The following PTPRM variants were observed in gnomAD, a reference collection of about 807,000 sequenced individuals.
PTPRM encodes the protein receptor-type tyrosine-protein phosphatase mu.
In PTPRM, 47 loss-of-function variants were observed where a neutral mutation model predicts 186.7. The ratio of observed to expected loss-of-function variants is 0.25; its 90% confidence interval spans 0.20 to 0.32. PTPRM has a LOEUF of 0.32. PTPRM is among the 10% of genes least tolerant of loss of function. The probability of loss-of-function intolerance (pLI) is 1.00; values close to 1 mark genes in which losing one functional copy is unlikely to be tolerated. For missense variants in PTPRM, 1,494 were observed against 1,865.0 expected (o/e 0.80, Z 3.66); for synonymous variants, 668 against 674.9 (o/e 0.99, Z 0.16).
chr18:8,387,151 G>A lies in PTPRM; in HGVS notation c.4124G>A (p.Arg1375His), dbSNP rs368926257. ...PMYRDTPVSK[R>H]SFLKLIRQVD... ...TACAGGGACACACCAGTGTCTAAGC[G>A]CTCCTTCTTGAAGCTCATTCGCCAG... Residue 1375 changes from arginine (R) to histidine (H), a missense_variant, in exon 31 of 33, where the codon CGC becomes CAC. By Grantham distance (29) the Arg-to-His change is conservative. Around this residue, in one of 3 missense-constraint regions of PTPRM, gnomAD observed 1,107 missense variants for 1,350.2 expected, o/e 0.82. Coordinates refer to ENST00000580170, the MANE Select transcript of PTPRM (RefSeq NM_001105244.2). 93 of 1,612,542 alleles carry A rather than the reference G, an allele frequency of 5.8e-5. No homozygotes were observed. The highest frequency in any genetic ancestry group is 6.9e-5 in the Non-Finnish European group (81 of 1,178,670).
At position 7,646,413 on chromosome 18, in the gene PTPRM, T is replaced by A. The variant is rs1358844963; in HGVS notation, c.73+78522T>A. On this transcript the variant is annotated intron_variant, in intron 1 of 32. Transcript: ENST00000580170. ...ACCATTGATGACAAGATGATAACGG[T>A]GGATAAACATGGCTTTTACTTTGAT... Among the ~76,000 whole-genome samples the A allele has an allele frequency of 2.0e-5, 3 of 152,278 alleles. No homozygotes were observed. In the East Asian group the frequency reaches 5.8e-4, roughly 29 times the overall value.
intron 2 of PTPRM, among the ~76,000 whole-genome samples, chr18:7,779,520 C>T (rs2042754398): frequency 6.6e-6 from 1 of 152,154 alleles, no homozygotes; most frequent in South Asian, 2.1e-4. Flanking sequence ...GTCAATTTCA[C>T]ATTTGGGAAG....
chr18:7,903,156 C>A (rs570123670), intron 3 of PTPRM, among the ~76,000 whole-genome samples: 1 of 152,282 alleles, frequency 6.6e-6, no homozygotes, highest in East Asian at 1.9e-4. Context: ...ATCACAGTGC[C>A]TGGCAGAGAG....
At chr18:8,212,259 G>A (rs1190987283) in intron 14 of PTPRM, among the ~76,000 whole-genome samples, 1 of 152,152 alleles carries the variant, frequency 6.6e-6, no homozygotes, top group Non-Finnish European at 1.5e-5. Context: ...GTGAGGAATG[G>A]GCAGGTCCAA....
At chr18:7,616,981 T>C (rs1487928926) in intron 1 of PTPRM, among the ~76,000 whole-genome samples, 15 of 152,060 alleles carry the variant, frequency 9.9e-5, no homozygotes, top group Middle Eastern at 3.2e-3. Context: ...ACCTCTCTGA[T>C]CAAACAGAAG....
intron 32 of PTPRM, chr18:8,402,964 T>TC (rs1202065722): frequency 2.0e-5 from 3 of 152,250 alleles, no homozygotes; most frequent in Non-Finnish European, 4.4e-5. Context: ...AGGAACACCT[T>TC]CTCAAATGTC....
chr18:7,726,070 T>C (rs568985311), intron 1 of PTPRM, among the ~76,000 whole-genome samples: 46 of 152,248 alleles, frequency 3.0e-4, no homozygotes, highest in African/African-American at 9.9e-4. Flanking sequence ...CCCCAGCTCC[T>C]GCACCTGTTC....
chr18:8,171,610 A>G (rs1203884731), intron 14 of PTPRM, among the ~76,000 whole-genome samples: 1 of 152,180 alleles, frequency 6.6e-6, no homozygotes, highest in Non-Finnish European at 1.5e-5. Flanking sequence ...TTCATTTAAA[A>G]TGGGAGGCTG....
rs142885122 is a variant in PTPRM at position 8,324,938 on chromosome 18, G to A, written c.2956+5724G>A. 3.3e-5 allele frequency among the ~76,000 whole-genome samples: 5 copies of A among 149,852 alleles called. No homozygotes were observed. In the East Asian group the frequency reaches 9.7e-4, roughly 29 times the overall value. On this transcript the variant is annotated intron_variant, in intron 22 of 32. Coordinates refer to ENST00000580170, the MANE Select transcript of PTPRM (RefSeq NM_001105244.2). ...GTATCAATGCTTAGAGCAATTCCTG[G>A]CATGGAGCAAATGCCATGTATGCGT...
In PTPRM at chr18:7,852,638, T is replaced by C. The variant is rs1025852940; in HGVS notation, c.197-35468T>C. Among the ~76,000 whole-genome samples the C allele has an allele frequency of 3.9e-5, 6 of 152,000 alleles. No individual in the cohort carries two copies. In the East Asian group the frequency reaches 1.2e-3, roughly 30 times the overall value. Reference sequence around the variant, plus strand: ...AGACGGAGCTTGCAGTGAGCCAAGATCGTGCCACTGCACTCCAGCCTGGGC... The same window carrying C: ...AGACGGAGCTTGCAGTGAGCCAAGACCGTGCCACTGCACTCCAGCCTGGGC... On this transcript the variant is annotated intron_variant, in intron 2 of 32. Transcript: ENST00000580170.
rs375762670 is a variant in PTPRM at position 7,955,152 on chromosome 18, C to T, written c.870C>T (p.Leu290=). 2.8e-5 allele frequency: 45 copies of T among 1,611,354 alleles called. No homozygotes were observed. In the African/African-American group the frequency reaches 5.1e-4, roughly 18 times the overall value. ...EPPVPIAPPQ[L]ASVGATYLWI... ...CCGTTCCTATTGCCCCACCTCAGCT[C>T]GCCTCTGTAGGAGCCACCTACCTGT... The change falls in exon 7 of 33, where the codon CTC becomes CTT. Residue 290 remains leucine, a synonymous_variant. Transcript: ENST00000580170.
At chr18:7,663,804 G>A (rs940852917) in intron 1 of PTPRM, among the ~76,000 whole-genome samples, 1 of 151,916 alleles carries the variant, frequency 6.6e-6, no homozygotes, top group Non-Finnish European at 1.5e-5. Context: ...TCAGGGCTGA[G>A]GATAATTGCT....
intron 2 of PTPRM, among the ~76,000 whole-genome samples, chr18:7,837,438 TGAGTTTCTTC>T (rs927907969): frequency 2.6e-5 from 4 of 152,134 alleles, no homozygotes; most frequent in Non-Finnish European, 5.9e-5. Context: ...TTAATTTCTT[TGAGTTTCTTC>T]AAACTCAAAA....
chr18:8,400,727 C>T (rs1407049654), intron 32 of PTPRM, among the ~76,000 whole-genome samples: 1 of 152,240 alleles, frequency 6.6e-6, no homozygotes, highest in African/African-American at 2.4e-5. Flanking sequence ...AGCCTCACCT[C>T]CCCTTTAGTA....
intron 3 of PTPRM, among the ~76,000 whole-genome samples, chr18:7,898,659 C>T (rs1204630784): frequency 6.6e-6 from 1 of 152,150 alleles, no homozygotes; most frequent in East Asian, 1.9e-4. Flanking sequence ...TATAGGGATA[C>T]AACATCTTGT....
intron 2 of PTPRM, among the ~76,000 whole-genome samples, chr18:7,820,951 C>T (rs1026324884): frequency 7.9e-5 from 12 of 152,156 alleles, no homozygotes; most frequent in African/African-American, 2.9e-4. Flanking sequence ...ACCTGCCTCC[C>T]CCAGCCCTGG....
intron 7 of PTPRM, among the ~76,000 whole-genome samples, chr18:7,997,694 A>C (rs1050520800): frequency 2.6e-5 from 4 of 152,184 alleles, no homozygotes; most frequent in African/African-American, 9.7e-5. Flanking sequence ...AATAACAAAA[A>C]TCTGATTGAA....
At chr18:8,247,995 C>T in intron 16 of PTPRM, 76 bp downstream of exon 16, 4 of 1,405,010 alleles carry the variant, frequency 2.8e-6, no homozygotes, top group Admixed American at 1.7e-5. Flanking sequence ...CTCTGCTATC[C>T]CTGGTGCTTG....
chr18:8,070,784 G>A (rs749950213), intron 8 of PTPRM, among the ~76,000 whole-genome samples: 28 of 152,100 alleles, frequency 1.8e-4, no homozygotes, highest in Middle Eastern at 3.4e-3. Context: ...TCATTTTTCC[G>A]GCATCAAAAT....
Sources: gnomAD v4.1 joint callset for allele counts (sites outside exome capture counted in the v4.1 genomes callset) on GRCh38, gnomAD v4.1.1 for gene constraint, gnomAD v4.1.1 regional missense constraint, MANE v1.5 for transcripts, NCBI Gene and HGNC (gene_info 2026-07-23, HGNC 2026-07-21) for gene names.